The following FLAD1 variants were observed in gnomAD, a reference collection of about 807,000 sequenced individuals.
FLAD1 encodes flavin adenine dinucleotide synthetase 1.
A neutral mutation model predicts 55.0 loss-of-function variants in FLAD1; 35 were observed. The observed-to-expected ratio is 0.64, with a 90% CI of 0.49 to 0.84. FLAD1 has a LOEUF of 0.84. FLAD1 is among the 40% of genes least tolerant of loss of function. The probability of loss-of-function intolerance (pLI) is 0.00; values close to 1 mark genes in which losing one functional copy is unlikely to be tolerated. For synonymous variants in FLAD1, 267 were observed against 303.0 expected, an observed-to-expected ratio of 0.88 and a Z score of 1.23; for missense variants, 665 against 742.6, an observed-to-expected ratio of 0.90 and a Z score of 1.21.
chr1:154,990,606 G>C lies in FLAD1; in HGVS notation c.1554+78G>C, dbSNP rs911169079. The stretch of plus-strand genomic sequence containing the variant: ...TGCACCCTAGCTCACCTGCAGTAGT[G>C]GGGAGGCTAGAGCCTGGAACCTGGA... On this transcript the variant is annotated intron_variant, in intron 5 of 6. Transcript: ENST00000292180. The C allele has an allele frequency of 3.6e-6, 5 of 1,384,600 alleles. No homozygotes were observed. In the African/African-American group the frequency reaches 7.2e-5, roughly 20 times the overall value. 85.8% of individuals were successfully genotyped at this position (1,384,600 alleles called of 1,614,324 possible).
At chr1:154,992,142 C>CAAAA (rs35484260) in intron 5 of FLAD1, among the ~76,000 whole-genome samples, 6 of 68,892 alleles carry the variant, frequency 8.7e-5, no homozygotes, top group African/African-American at 3.2e-4. Context: ...GACTCCGTCT[C>CAAAA]AAAAAAAAAA....
In FLAD1 at chr1:154,984,010, T is replaced by C; in HGVS notation, c.316T>C (p.Ser106Pro). The C allele has an allele frequency of 6.6e-7, 1 of 1,514,714 alleles. No homozygotes were observed. Among genetic ancestry groups the C allele is most frequent in the Non-Finnish European group, 8.8e-7 (1 of 1,130,790 alleles). 93.8% of individuals were successfully genotyped at this position (1,514,714 alleles called of 1,614,324 possible). A position where few individuals can be genotyped will look rare whatever the true frequency, so the allele number is the denominator to read the frequency against. Residue 106 changes from serine (S) to proline (P), a missense_variant, in exon 1 of 7, where the codon TCT (serine) becomes CCT (proline). By Grantham distance (74) the Ser-to-Pro change is moderately conservative (BLOSUM62 -1). Transcript: ENST00000292180. ...RTMTSRASEL[S>P]PGRSVTAGII... is the part of the protein sequence containing the mutation. ...CATGACATCTAGGGCCTCTGAACTT[T>C]CTCCGGGGCGCAGCGTGACGGCTGG...
rs145193455 is a variant in FLAD1, at chr1:154,992,955, G to A, written c.1682G>A (p.Cys561Tyr). ...ENTVRNPALK[C>Y]LSPGGHPTYR... ...ACCGTGCGGAACCCGGCCCTGAAGT[G>A]CCTGAGCCCAGGAGGACACCCCACA... The change falls in exon 7 of 7, where the codon TGC (cysteine) becomes TAC (tyrosine). Residue 561 changes from cysteine to tyrosine, a missense_variant. Transcript: ENST00000292180. 6.2e-7 allele frequency: 1 copy of A among 1,614,028 alleles called. No homozygotes were observed. Among genetic ancestry groups the A allele is most frequent in the South Asian group, 1.1e-5 (1 of 91,082 alleles).
rs749772991 is a variant in FLAD1, at chr1:154,985,031, A to ATTTTTT, written c.372+993_372+998dup. 4.3e-4 allele frequency among the ~76,000 whole-genome samples: 14 copies of ATTTTTT among 32,588 alleles called. 1 individual carries two copies. In the East Asian group the frequency reaches 5.4e-3, roughly 13 times the overall value. The allele number at this position is 32,588 out of a possible 152,430, so 21.4% of individuals were successfully genotyped here. A position where few individuals can be genotyped will look rare whatever the true frequency, so the allele number is the denominator to read the frequency against. ...AGGTGTTAGCCGCCACACCTGGCTAATTTTTTTTTTTTTTTTTTTTTTTTT... is the reference window on the plus strand; with the variant it reads ...AGGTGTTAGCCGCCACACCTGGCTAATTTTTTTTTTTTTTTTTTTTTTTTTTTTTTT... On this transcript the variant is annotated intron_variant, in intron 1 of 6. Coordinates refer to ENST00000292180, the MANE Select transcript of FLAD1 (RefSeq NM_025207.5).
At chr1:154,991,999 C>T (rs1312623918) in intron 5 of FLAD1, among the ~76,000 whole-genome samples, 3 of 151,392 alleles carry the variant, frequency 2.0e-5, no homozygotes, top group Non-Finnish European at 4.4e-5. Context: ...AAAAATTAGC[C>T]GGCTGTGGTG....
rs1657955235 is a variant in FLAD1 at position 154,993,097 on chromosome 1, G to A, written c.*60G>A. 1.6e-5 allele frequency: 24 copies of A among 1,523,096 alleles called. No individual in the cohort carries two copies. The South Asian group carries it at 1.8e-4, about 11-fold the overall frequency. 94.3% of individuals were successfully genotyped at this position (1,523,096 alleles called of 1,614,324 possible). A position where few individuals can be genotyped will look rare whatever the true frequency, so the allele number is the denominator to read the frequency against. ...CTAGGGTATAACCTGGCAATAAACC[G>A]TGCCTCTCACTGTGCCTGTTGCTCT... On this transcript the variant is annotated 3_prime_UTR_variant, in exon 7 of 7. Coordinates refer to ENST00000292180, the MANE Select transcript of FLAD1 (RefSeq NM_025207.5).
In FLAD1 at chr1:154,983,759, T is replaced by A; in HGVS notation, c.65T>A (p.Ile22Asn). ...GAACAAAGGAGTCGCTTGTCAAGGA[T>A]CTGGTTAGAGAAGACTAGGGTCTTC... ...RQEQRSRLSR[I>N]WLEKTRVFLE... Residue 22 changes from isoleucine to asparagine, a missense_variant, in exon 1 of 7, where the codon ATC (isoleucine) becomes AAC (asparagine). Ile to Asn is a moderately radical substitution (Grantham distance 149). Transcript: ENST00000292180. 2.5e-6 allele frequency: 4 copies of A among 1,614,032 alleles called. No homozygotes were observed. The highest frequency in any genetic ancestry group is 3.4e-6 in the Non-Finnish European group (4 of 1,179,956).
Position 154,992,814 on chromosome 1 carries a change from T to G in FLAD1, c.1628+28T>G, listed in dbSNP as rs1433386585. 1.9e-6 allele frequency: 3 copies of G among 1,614,054 alleles called. No homozygotes were observed. The Admixed American group carries it at 5.0e-5, about 27-fold the overall frequency. ...AAGGGTATTAGGGGAAGGGAATGGG[T>G]AAGGGAGTTTTTAGGGTGCTGGGAT... On this transcript the variant is annotated intron_variant, in intron 6 of 6. Coordinates refer to ENST00000292180, the MANE Select transcript of FLAD1 (RefSeq NM_025207.5).
At chr1:154,986,206 T>C (rs1384477046) in intron 1 of FLAD1, among the ~76,000 whole-genome samples, 1 of 151,958 alleles carries the variant, frequency 6.6e-6, no homozygotes, top group Non-Finnish European at 1.5e-5. Flanking sequence ...GCCTGGCTAA[T>C]TTTTGTGGGG....
At position 154,990,440 on chromosome 1, in the gene FLAD1, G is replaced by A. The variant is rs1447858195; in HGVS notation, c.1466G>A (p.Arg489His). ...CTGGAGGCTGTCCTTATGGGCACCC[G>A]CCGGACTGACCCCTACTCCTGTAGC... Reference protein sequence around the residue: ...PQLEAVLMGTRRTDPYSCSLC... With the variant: ...PQLEAVLMGTHRTDPYSCSLC... Residue 489 changes from arginine to histidine, a missense_variant, in exon 5 of 7, where the codon CGC becomes CAC. Coordinates refer to ENST00000292180, the MANE Select transcript of FLAD1 (RefSeq NM_025207.5). 5 of 1,614,024 alleles carry A rather than the reference G, an allele frequency of 3.1e-6. No individual in the cohort carries two copies. The highest frequency in any genetic ancestry group is 1.7e-5 in the Admixed American group (1 of 59,996).
chr1:154,986,519 C>T (rs1482754687), intron 1 of FLAD1, among the ~76,000 whole-genome samples: 1 of 152,094 alleles, frequency 6.6e-6, no homozygotes, highest in East Asian at 1.9e-4. Flanking sequence ...TCACAACAAC[C>T]CCACACAAAA....
intron 5 of FLAD1, among the ~76,000 whole-genome samples, chr1:154,992,400 G>A (rs900367548): frequency 7.2e-5 from 11 of 151,806 alleles, no homozygotes; most frequent in Admixed American, 2.0e-4. Context: ...CCAAGACCAC[G>A]CCACTGCACT....
At position 154,988,284 on chromosome 1, in the gene FLAD1, T is replaced by C. The variant is rs780578888; in HGVS notation, c.552T>C (p.Asp184=). The change falls in exon 2 of 7, where the codon GAT becomes GAC. Residue 184 remains aspartate (D), a synonymous_variant. Coordinates refer to ENST00000292180, the MANE Select transcript of FLAD1 (RefSeq NM_025207.5). ...LTAGGIGPTH[D]DVTFEAVAQA... is the part of the protein sequence containing the mutation. ...CAGGGGGCATCGGCCCCACTCATGA[T>C]GATGTGACCTTTGAGGCAGTGGCAC... The C allele has an allele frequency of 6.2e-7, 1 of 1,614,194 alleles. No individual in the cohort carries two copies. The highest frequency in any genetic ancestry group is 2.2e-5 in the East Asian group (1 of 44,888).
intron 1 of FLAD1, among the ~76,000 whole-genome samples, chr1:154,985,488 C>T (rs1466132081): frequency 1.3e-5 from 2 of 151,538 alleles, no homozygotes; most frequent in Non-Finnish European, 2.9e-5. Flanking sequence ...CTGCAACCTC[C>T]ACCTCCCAGG....
rs908112813 is a variant in FLAD1, at chr1:154,989,503, T to C, written c.1118-57T>C. ...TTAAGCAAGGGCAGCATGCCTTCAC[T>C]CCCCTTTGATAGCCATATGTGTCCA... On this transcript the variant is annotated intron_variant, in intron 2 of 6. Coordinates refer to ENST00000292180, the MANE Select transcript of FLAD1 (RefSeq NM_025207.5). 13 of 1,457,900 alleles carry C rather than the reference T, an allele frequency of 8.9e-6. No individual in the cohort carries two copies. In the African/African-American group the frequency reaches 1.9e-4, roughly 21 times the overall value. The allele number at this position is 1,457,900 out of a possible 1,614,324, so 90.3% of individuals were successfully genotyped here. A position where few individuals can be genotyped will look rare whatever the true frequency, so the allele number is the denominator to read the frequency against.
intron 1 of FLAD1, among the ~76,000 whole-genome samples, chr1:154,985,716 ATTTTTT>A (rs34387427): frequency 1.3e-5 from 1 of 75,490 alleles, no homozygotes; most frequent in South Asian, 4.0e-4. Context: ...CCTGACCCCA[ATTTTTT>A]TTTTTTTTTT....
rs2878517 is a variant in FLAD1, at chr1:154,988,982, A to G, written c.1117+133A>G. The G allele has an allele frequency of 0.033, 49,580 of 1,494,734 alleles. 1,022 individuals carry two copies. The highest frequency in any genetic ancestry group is 0.087 in the African/African-American group (6,248 of 71,646). The allele number at this position is 1,494,734 out of a possible 1,614,324, so 92.6% of individuals were successfully genotyped here. ...AGAAGATAGCTTCTGTTAATTCATT[A>G]TTCTTCCAATAAATGTTGATTGAGT... On this transcript the variant is annotated intron_variant, in intron 2 of 6. Coordinates refer to ENST00000292180, the MANE Select transcript of FLAD1 (RefSeq NM_025207.5).
At position 154,983,742 on chromosome 1, in the gene FLAD1, G is replaced by C. The variant is rs1456654953; in HGVS notation, c.48G>C (p.Arg16Ser). 10 of 1,613,958 alleles carry C rather than the reference G, an allele frequency of 6.2e-6. No individual in the cohort carries two copies. The highest frequency in any genetic ancestry group is 5.3e-5 in the African/African-American group (4 of 74,926). Residue 16 changes from arginine (R) to serine (S), a missense_variant, in exon 1 of 7, where the codon AGG (arginine) becomes AGC (serine). Coordinates refer to ENST00000292180, the MANE Select transcript of FLAD1 (RefSeq NM_025207.5). ...GTTTATTCCAGAGGCAGGAACAAAG[G>C]AGTCGCTTGTCAAGGATCTGGTTAG... is the stretch of plus-strand genomic sequence containing the variant. ...GTRLFQRQEQ[R>S]SRLSRIWLEK... is the part of the protein sequence containing the mutation.
chr1:154,987,405 T>TGGAAAAGAAG (rs1657665015), intron 1 of FLAD1: 6 of 153,230 alleles, frequency 3.9e-5, no homozygotes, highest in Admixed American at 3.9e-4. Flanking sequence ...GAAGATAGGG[T>TGGAAAAGAAG]ATACGCCACA....
Sources: allele counts gnomAD v4.1 joint callset (sites outside exome capture counted in the v4.1 genomes callset), GRCh38; gene constraint gnomAD v4.1.1; transcripts MANE v1.5; gene names NCBI Gene and HGNC (gene_info 2026-07-23, HGNC 2026-07-21).